The following RIT2 variants were observed in gnomAD, a reference collection of about 807,000 sequenced individuals.
RIT2 encodes the protein GTP-binding protein Rit2.
A neutral mutation model predicts 23.7 loss-of-function variants in RIT2; 24 were observed. The ratio of observed to expected loss-of-function variants is 1.01; its 90% CI spans 0.73 to 1.43. The LOEUF (loss-of-function observed/expected upper bound fraction) is 1.43. Among genes scored for constraint, RIT2 ranks in the 40% most tolerant of loss-of-function variants. The probability of loss-of-function intolerance (pLI) is 0.00; values close to 1 mark genes in which losing one functional copy is unlikely to be tolerated. For synonymous variants in RIT2, 107 were observed against 91.1 expected (o/e 1.17, Z -0.99); for missense variants, 236 against 266.9 (o/e 0.88, Z 0.81).
At chr18:42,973,079 C>A (rs1159520617) in intron 3 of RIT2, among the ~76,000 whole-genome samples, 1 of 151,750 alleles carries the variant, frequency 6.6e-6, no homozygotes. Context: ...TACAGGTATA[C>A]TTACTTTGAG....
intron 2 of RIT2, among the ~76,000 whole-genome samples, chr18:43,007,204 C>T (rs1435319369): frequency 1.3e-5 from 2 of 151,454 alleles, no homozygotes. Context: ...AAGATGTTGG[C>T]TTAAGTAGGG....
chr18:42,940,469 C>A (rs1197968864), intron 3 of RIT2, among the ~76,000 whole-genome samples: 1 of 151,304 alleles, frequency 6.6e-6, no homozygotes, highest in Non-Finnish European at 1.5e-5. Flanking sequence ...ACTGTGTTAT[C>A]CTTGATGTCT....
intron 1 of RIT2, among the ~76,000 whole-genome samples, chr18:43,075,343 A>T (rs1354755525): frequency 6.6e-6 from 1 of 152,138 alleles, no homozygotes; most frequent in Non-Finnish European, 1.5e-5. Context: ...TTTCTCTTTC[A>T]TAAAGTGGCA....
intron 2 of RIT2, among the ~76,000 whole-genome samples, chr18:43,014,197 G>A (rs1024925277): frequency 1.3e-5 from 2 of 151,702 alleles, no homozygotes; most frequent in Admixed American, 1.3e-4. Context: ...AGAGAATTGA[G>A]GCAGAAGTAG....
chr18:42,988,942 G>T (rs931367824), intron 2 of RIT2, among the ~76,000 whole-genome samples: 1 of 152,056 alleles, frequency 6.6e-6, no homozygotes, highest in Non-Finnish European at 1.5e-5. Flanking sequence ...GGGAGAAAAA[G>T]GTTCATTCTG....
intron 4 of RIT2, among the ~76,000 whole-genome samples, chr18:42,863,500 T>A (rs779780400): frequency 3.3e-5 from 5 of 152,156 alleles, no homozygotes; most frequent in Non-Finnish European, 7.4e-5. Flanking sequence ...CCACTACACC[T>A]TTCCTGGTCT....
chr18:42,855,385 A>G (rs1377411739), intron 4 of RIT2, among the ~76,000 whole-genome samples: 1 of 152,238 alleles, frequency 6.6e-6, no homozygotes, highest in Non-Finnish European at 1.5e-5. Flanking sequence ...AGGGAAGAAT[A>G]GTCATTCAAG....
At chr18:42,979,688 G>C (rs1342862541) in intron 2 of RIT2, among the ~76,000 whole-genome samples, 1 of 152,032 alleles carries the variant, frequency 6.6e-6, no homozygotes, top group African/African-American at 2.4e-5. Context: ...AATCAGCATT[G>C]ATACAAATCT....
chr18:43,048,041 A>G (rs1912290018), intron 1 of RIT2, among the ~76,000 whole-genome samples: 1 of 152,130 alleles, frequency 6.6e-6, no homozygotes, highest in Non-Finnish European at 1.5e-5. Flanking sequence ...TCTGCGATCT[A>G]TCAAATTTGG....
chr18:42,997,322 A>G (rs530514164), intron 2 of RIT2, among the ~76,000 whole-genome samples: 78 of 151,918 alleles, frequency 5.1e-4, no homozygotes, highest in Non-Finnish European at 1.0e-3. Context: ...TTCCCTTCCT[A>G]TGTTCAAAGT....
At chr18:42,964,135 G>A (rs562361390) in intron 3 of RIT2, among the ~76,000 whole-genome samples, 12 of 151,978 alleles carry the variant, frequency 7.9e-5, no homozygotes, top group Non-Finnish European at 1.3e-4. Context: ...AGGTTGCAGC[G>A]AGCCGAGATT....
intron 2 of RIT2, among the ~76,000 whole-genome samples, chr18:42,986,356 C>T (rs935368686): frequency 2.9e-5 from 1 of 34,808 alleles, no homozygotes; most frequent in African/African-American, 6.2e-5. Flanking sequence ...AACATTCCTA[C>T]AAATCATTCA....
chr18:42,820,913 G>A (rs1046139301), intron 4 of RIT2, among the ~76,000 whole-genome samples: 34 of 152,108 alleles, frequency 2.2e-4, no homozygotes, highest in African/African-American at 7.2e-4. Flanking sequence ...TTGGATAACT[G>A]GGGTGGATCC....
At chr18:43,045,701 A>C (rs8098856) in intron 1 of RIT2, among the ~76,000 whole-genome samples, 90,304 of 151,952 alleles carry the variant, frequency 0.59, 28,246 homozygotes, top group Non-Finnish European at 0.71. Context: ...GGCACAAATA[A>C]TATTTTTACC....
intron 4 of RIT2, among the ~76,000 whole-genome samples, chr18:42,912,676 C>T (rs1330245036): frequency 6.6e-6 from 1 of 151,730 alleles, no homozygotes; most frequent in African/African-American, 2.4e-5. Flanking sequence ...AATATAATAC[C>T]ATTTCCATTA....
chr18:42,943,562 A>G (rs1300922379), intron 3 of RIT2, among the ~76,000 whole-genome samples: 2 of 152,082 alleles, frequency 1.3e-5, no homozygotes, highest in African/African-American at 2.4e-5. Flanking sequence ...TAATTCTTTT[A>G]CATGTTTTTA....
rs1335109663 is a variant in RIT2 at position 42,805,525 on chromosome 18, T to TA, written c.427-61806dup. Among the ~76,000 whole-genome samples, 4 of 152,346 alleles carry TA rather than the reference T, an allele frequency of 2.6e-5. No individual in the cohort carries two copies. The East Asian group carries it at 7.7e-4, about 29-fold the overall frequency. ...TCTAAAATCACATGAGTAAATGTCA[T>TA]ATATTATATTACATTTAAATTTATT... On this transcript the variant is annotated intron_variant, in intron 4 of 4. Transcript: ENST00000326695.
At chr18:43,111,790 T>C (rs1913960169) in intron 1 of RIT2, among the ~76,000 whole-genome samples, 1 of 152,124 alleles carries the variant, frequency 6.6e-6, no homozygotes, top group Admixed American at 6.5e-5. Flanking sequence ...TGGGGAGTGA[T>C]GGAAAAGCAG....
chr18:42,834,255 G>T (rs780430282), intron 4 of RIT2, among the ~76,000 whole-genome samples: 1 of 152,184 alleles, frequency 6.6e-6, no homozygotes. Context: ...TCATGGTATA[G>T]TTGCAAGTTT....
Sources: allele counts gnomAD v4.1 joint callset (sites outside exome capture counted in the v4.1 genomes callset), GRCh38; gene constraint gnomAD v4.1.1; transcripts MANE v1.5; gene names NCBI Gene and HGNC (gene_info 2026-07-23, HGNC 2026-07-21).